Variants in ZNF208 observed in about 807,000 individuals in gnomAD.
The protein encoded by ZNF208 is zinc finger protein 95.
ZNF208 carries 10 observed loss-of-function variants against 12.1 expected under a neutral mutation model. The observed-to-expected ratio is 0.83, with a 90% confidence interval of 0.51 to 1.40. The LOEUF is 1.40. Among genes scored for constraint, ZNF208 ranks in the 40% most tolerant of loss-of-function variants. The pLI is 0.00. For missense variants in ZNF208, 1,652 were observed against 1,485.0 expected (o/e 1.11, Z -1.85); for synonymous variants, 497 against 488.4 (o/e 1.02, Z -0.23).
intron 3 of ZNF208, among the ~76,000 whole-genome samples, chr19:21,979,869 G>T (rs1451647147): frequency 1.3e-5 from 2 of 152,254 alleles, no homozygotes; most frequent in African/African-American, 2.4e-5. Flanking sequence ...TCAAAATAAA[G>T]TTATGGAGGA....
chr19:21,975,344 G>T (rs1301421026), intron 3 of ZNF208, among the ~76,000 whole-genome samples: 1 of 152,150 alleles, frequency 6.6e-6, no homozygotes, highest in African/African-American at 2.4e-5. Flanking sequence ...TAAATGCACT[G>T]CAGCAGAGCA....
At chr19:21,984,317 G>A (rs1261699996) in intron 3 of ZNF208, among the ~76,000 whole-genome samples, 4 of 152,170 alleles carry the variant, frequency 2.6e-5, no homozygotes, top group Admixed American at 1.3e-4. Flanking sequence ...CACCTTGGAA[G>A]GCCAAGGCTG....
At chr19:21,999,140 A>G (rs1463095961) in intron 1 of ZNF208, among the ~76,000 whole-genome samples, 1 of 152,118 alleles carries the variant, frequency 6.6e-6, no homozygotes, top group Non-Finnish European at 1.5e-5. Flanking sequence ...ATCTACTATA[A>G]TGATTTAATG....
rs760513808 is a variant in ZNF208, at chr19:21,987,322, A to T, written c.131-11T>A. The T allele has an allele frequency of 1.9e-6, 3 of 1,601,582 alleles. No individual in the cohort carries two copies. In the South Asian group the frequency reaches 3.4e-5, roughly 18 times the overall value. On this transcript the variant is annotated splice_polypyrimidine_tract_variant and intron_variant, in intron 2 of 3. Transcript: ENST00000397126. ...TAAAGGCAGCAATACCTGTTTTATT[A>T]AAAATGAACAACATGCTTCTTGCTC...
chr19:21,950,489 T>C (rs1433191685), intron 4 of ZNF208, among the ~76,000 whole-genome samples: 4 of 121,448 alleles, frequency 3.3e-5, no homozygotes, highest in African/African-American at 1.9e-4. Context: ...CCTAGCCCTG[T>C]TCTTTTTTTT....
intron 1 of ZNF208, among the ~76,000 whole-genome samples, chr19:22,004,871 A>C (rs1971018617): frequency 5.3e-5 from 8 of 152,196 alleles, no homozygotes; most frequent in Admixed American, 5.2e-4. Flanking sequence ...ACATAATTTT[A>C]GCTGTATAAC....
At chr19:21,980,552 C>T (rs528174644) in intron 3 of ZNF208, among the ~76,000 whole-genome samples, 68 of 152,120 alleles carry the variant, frequency 4.5e-4, no homozygotes, top group Non-Finnish European at 6.2e-4. Context: ...CCAGAATCTC[C>T]GGGACACAGA....
In ZNF208 at chr19:21,972,057, C is replaced by A. The variant is rs373319308; in HGVS notation, c.2977G>T (p.Val993Leu). 12 of 1,611,582 alleles carry A rather than the reference C, an allele frequency of 7.4e-6. No individual in the cohort carries two copies. Among genetic ancestry groups the A allele is most frequent in the Admixed American group, 5.0e-5 (3 of 59,778 alleles). ...STFSILTKHK[V>L]IHTGEKPYKC... is the part of the protein sequence containing the mutation. ...TAGGGTTTCTCTCCAGTATGAATTA[C>A]CTTATGTTTAGTAAGGATTGAGAAT... Residue 993 changes from valine to leucine, a missense_variant, in exon 4 of 4, where the codon GTA becomes TTA. Physicochemically the swap from Val to Leu is conservative, Grantham distance 32. This residue lies in a region of ZNF208 where 1,239 missense variants were observed against 1,086.2 expected (regional missense o/e 1.14). Transcript: ENST00000397126.
rs1282928023 is a variant in ZNF208 at position 21,972,691 on chromosome 19, T to G, written c.2343A>C (p.Glu781Asp). 6.3e-7 allele frequency: 1 copy of G among 1,591,140 alleles called. No individual in the cohort carries two copies. Among genetic ancestry groups the G allele is most frequent in the East Asian group, 2.3e-5 (1 of 43,338 alleles). ...HTVEKPYKCE[E>D]CGKAFNRSAI... ...CAGATCGGTTAAAAGCTTTGCCACA[T>G]TCTTCACATTTGTAGGGTTTCTCTA... The change falls in exon 4 of 4, where the codon GAA (glutamate) becomes GAC (aspartate). Residue 781 changes from glutamate to aspartate, a missense_variant. Coordinates refer to ENST00000397126, the MANE Select transcript of ZNF208 (RefSeq NM_007153.3).
chr19:21,951,008 C>A (rs112933655), intron 4 of ZNF208, among the ~76,000 whole-genome samples: 1 of 152,198 alleles, frequency 6.6e-6, no homozygotes, highest in Non-Finnish European at 1.5e-5. Context: ...TGTAGTGCCT[C>A]TTGGTTCATG....
chr19:21,966,496 T>C lies in ZNF208; in HGVS notation c.*4695A>G, dbSNP rs750669623. ...TTGTATAAGTACATCATTTTTCTTA[T>C]CCAATAAAAGATTCATGGGTAACTG... On this transcript the variant is annotated 3_prime_UTR_variant, in exon 4 of 4. Transcript: ENST00000397126. The C allele has an allele frequency of 2.0e-5, 3 of 152,132 alleles. No homozygotes were observed. Among genetic ancestry groups the C allele is most frequent in the Non-Finnish European group, 4.4e-5 (3 of 68,008 alleles). The allele number at this position is 152,132 out of a possible 1,614,324, so 9.4% of individuals were successfully genotyped here. A position where few individuals can be genotyped will look rare whatever the true frequency, so the allele number is the denominator to read the frequency against.
At chr19:21,997,447 G>A (rs1166318368) in intron 1 of ZNF208, among the ~76,000 whole-genome samples, 2 of 151,966 alleles carry the variant, frequency 1.3e-5, no homozygotes, top group Non-Finnish European at 2.9e-5. Flanking sequence ...CTATCTTTTT[G>A]GCTATTTACA....
intron 4 of ZNF208, chr19:21,940,858 C>A (rs539820700): frequency 1.3e-5 from 2 of 154,086 alleles, no homozygotes; most frequent in South Asian, 2.0e-4. Flanking sequence ...CCCCGCAGGT[C>A]GAGGAGGGCT....
intron 4 of ZNF208, among the ~76,000 whole-genome samples, chr19:21,950,684 G>T (rs1446756129): frequency 6.6e-6 from 1 of 151,748 alleles, no homozygotes; most frequent in African/African-American, 2.4e-5. Context: ...TAGTAGAGAT[G>T]GGGTTTCACC....
At chr19:21,954,349 T>C (rs1268475008) in intron 4 of ZNF208, among the ~76,000 whole-genome samples, 2 of 152,212 alleles carry the variant, frequency 1.3e-5, no homozygotes, top group African/African-American at 4.8e-5. Flanking sequence ...GTCTATTAGG[T>C]CCACTTGTTG....
intron 1 of ZNF208, among the ~76,000 whole-genome samples, chr19:21,989,438 TTC>T (rs1970689324): frequency 6.6e-6 from 1 of 152,038 alleles, no homozygotes; most frequent in Non-Finnish European, 1.5e-5. Flanking sequence ...CTGCATAGTA[TTC>T]CATGGTATAT....
At chr19:21,974,948 C>G (rs557434561) in intron 3 of ZNF208, 141 bp from the exon 4 acceptor site, 25 of 1,065,172 alleles carry the variant, frequency 2.3e-5, no homozygotes, top group Admixed American at 3.3e-5. Context: ...TCTTCATAGA[C>G]ATATAAATCT....
chr19:21,943,154 A>T (rs529240080), intron 4 of ZNF208, among the ~76,000 whole-genome samples: 7 of 152,226 alleles, frequency 4.6e-5, no homozygotes, highest in Non-Finnish European at 8.8e-5. Flanking sequence ...ATGCAGTAGT[A>T]ATAAGTGTAG....
chr19:21,959,611 A>C (rs1407163946), intron 4 of ZNF208, among the ~76,000 whole-genome samples: 1 of 152,182 alleles, frequency 6.6e-6, no homozygotes, highest in Non-Finnish European at 1.5e-5. Flanking sequence ...GAGGGGGGAA[A>C]ATAAAGTGAC....
Sources: allele counts gnomAD v4.1 joint callset (sites outside exome capture counted in the v4.1 genomes callset), GRCh38; gene constraint gnomAD v4.1.1; regional missense constraint gnomAD v4.1.1; transcripts MANE v1.5; gene names NCBI Gene and HGNC (gene_info 2026-07-23, HGNC 2026-07-21).